GPC5: variants seen among roughly 807,000 people sequenced by gnomAD.
The protein encoded by GPC5 is glypican-5.
In GPC5, 47 loss-of-function variants were observed where a neutral mutation model predicts 53.9. The observed-to-expected ratio is 0.87, with a 90% CI of 0.69 to 1.11. The LOEUF is 1.11. Ranked by LOEUF, GPC5 falls within the 50% of genes most tolerant of loss-of-function variation. GPC5 has a pLI of 0.00. For synonymous variants in GPC5, 286 were observed against 263.3 expected (o/e 1.09, Z -0.84); for missense variants, 748 against 713.1 (o/e 1.05, Z -0.56).
chr13:92,116,309 TG>T (rs2041601464), intron 6 of GPC5, among the ~76,000 whole-genome samples: 2 of 151,690 alleles, frequency 1.3e-5, no homozygotes, highest in African/African-American at 4.8e-5. Flanking sequence ...TGGGGGGGAT[TG>T]GGAACTCATG....
chr13:91,503,280 C>T (rs1884748478), intron 2 of GPC5, among the ~76,000 whole-genome samples: 1 of 151,994 alleles, frequency 6.6e-6, no homozygotes, highest in South Asian at 2.1e-4. Flanking sequence ...TTTCTAGAAA[C>T]AATTTGAACC....
chr13:91,460,003 G>A (rs1314645617), intron 2 of GPC5, among the ~76,000 whole-genome samples: 1 of 152,086 alleles, frequency 6.6e-6, no homozygotes, highest in Non-Finnish European at 1.5e-5. Flanking sequence ...TAATGCGATA[G>A]CATTGTATAA....
intron 2 of GPC5, among the ~76,000 whole-genome samples, chr13:91,565,888 T>C (rs997917080): frequency 1.3e-5 from 2 of 152,198 alleles, no homozygotes; most frequent in African/African-American, 2.4e-5. Context: ...TCCATGTTTC[T>C]CTTCAAGCTC....
At chr13:91,732,998 T>G (rs1252850989) in intron 4 of GPC5, among the ~76,000 whole-genome samples, 2 of 152,188 alleles carry the variant, frequency 1.3e-5, no homozygotes, top group African/African-American at 4.8e-5. Flanking sequence ...TTGTCTTGGC[T>G]ATACGGGCTC....
At chr13:91,724,615 G>A (rs1021277164) in intron 3 of GPC5, among the ~76,000 whole-genome samples, 1 of 152,096 alleles carries the variant, frequency 6.6e-6, no homozygotes, top group African/African-American at 2.4e-5. Context: ...TTGGGAGGCT[G>A]AGGTGGGAGG....
rs554917423 is a variant in GPC5, at chr13:92,077,124, C to T, written c.1402-67706C>T. On this transcript the variant is annotated intron_variant, in intron 6 of 7. Coordinates refer to ENST00000377067, the MANE Select transcript of GPC5 (RefSeq NM_004466.6). ...AATTGCCCCGCCTTTCTGAACCAAACCAATGTATTTCTTAAATGTATTTGA... is the reference window on the plus strand; with the variant it reads ...AATTGCCCCGCCTTTCTGAACCAAATCAATGTATTTCTTAAATGTATTTGA... Among the ~76,000 whole-genome samples, 119 of 152,242 alleles carry T rather than the reference C, an allele frequency of 7.8e-4. 1 individual carries two copies. In the Middle Eastern group the frequency reaches 0.031, roughly 39 times the overall value.
intron 7 of GPC5, among the ~76,000 whole-genome samples, chr13:92,342,743 C>G (rs937516315): frequency 7.9e-5 from 12 of 151,946 alleles, no homozygotes; most frequent in Non-Finnish European, 1.5e-4. Context: ...TAATTCCATC[C>G]TCTGGATTAA....
intron 2 of GPC5, among the ~76,000 whole-genome samples, chr13:91,527,451 G>A (rs1287226526): frequency 6.6e-6 from 1 of 152,238 alleles, no homozygotes; most frequent in Non-Finnish European, 1.5e-5. Flanking sequence ...CCAAGGCCTT[G>A]GGCAGCTCTG....
At chr13:92,109,738 T>G (rs1447934757) in intron 6 of GPC5, among the ~76,000 whole-genome samples, 1 of 152,146 alleles carries the variant, frequency 6.6e-6, no homozygotes, top group East Asian at 1.9e-4. Flanking sequence ...GAAAATTATT[T>G]CTTAAACCTA....
chr13:92,512,298 T>C (rs1880603435), intron 7 of GPC5, among the ~76,000 whole-genome samples: 1 of 152,098 alleles, frequency 6.6e-6, no homozygotes, highest in Non-Finnish European at 1.5e-5. Context: ...TGGTAACACA[T>C]ATTTTTTACT....
chr13:92,585,164 G>C (rs2139058937), intron 7 of GPC5, among the ~76,000 whole-genome samples: 1 of 152,222 alleles, frequency 6.6e-6, no homozygotes, highest in South Asian at 2.1e-4. Flanking sequence ...CAGAATGGTA[G>C]ATCCACTGTC....
chr13:92,098,514 G>C (rs1047834234), intron 6 of GPC5, among the ~76,000 whole-genome samples: 5 of 152,098 alleles, frequency 3.3e-5, no homozygotes, highest in African/African-American at 1.2e-4. Flanking sequence ...TAGAATTAAG[G>C]TATTTCATAT....
At chr13:91,765,761 A>C (rs2037510423) in intron 5 of GPC5, among the ~76,000 whole-genome samples, 1 of 152,242 alleles carries the variant, frequency 6.6e-6, no homozygotes, top group African/African-American at 2.4e-5. Flanking sequence ...TTAATGAAAG[A>C]GGTAATATGT....
At chr13:92,221,839 A>G (rs137896384) in intron 7 of GPC5, among the ~76,000 whole-genome samples, 1 of 151,930 alleles carries the variant, frequency 6.6e-6, no homozygotes, top group African/African-American at 2.4e-5. Flanking sequence ...GTTCTTGCTA[A>G]TAAGATATAT....
chr13:92,805,048 T>G lies in GPC5; in HGVS notation c.1562-61234T>G, dbSNP rs114970404. On this transcript the variant is annotated intron_variant, in intron 7 of 7. Transcript: ENST00000377067. ...CTCTTATTTTGACCACATCTGTGGT[T>G]ACTTTCTCCACTGAAATTCTGAACC... Among the ~76,000 whole-genome samples, 1,035 of 152,204 alleles carry G rather than the reference T, an allele frequency of 6.8e-3. 11 individuals carry two copies. Among genetic ancestry groups the G allele is most frequent in the African/African-American group, 0.024 (990 of 41,560 alleles).
intron 7 of GPC5, among the ~76,000 whole-genome samples, chr13:92,267,136 A>C (rs2042808032): frequency 6.6e-6 from 1 of 152,162 alleles, no homozygotes; most frequent in Non-Finnish European, 1.5e-5. Context: ...AACTTCAAAT[A>C]AAATATTGCC....
intron 7 of GPC5, among the ~76,000 whole-genome samples, chr13:92,440,403 C>T (rs749346511): frequency 9.9e-5 from 15 of 152,116 alleles, no homozygotes; most frequent in Non-Finnish European, 1.9e-4. Flanking sequence ...TGGCCACCAG[C>T]TGCATCTATG....
At chr13:92,817,681 T>C (rs1184096065) in intron 7 of GPC5, among the ~76,000 whole-genome samples, 4 of 151,998 alleles carry the variant, frequency 2.6e-5, no homozygotes, top group South Asian at 2.1e-4. Context: ...ACATATTTAT[T>C]TCTTCTTGGG....
At chr13:92,101,184 A>G (rs2041463933) in intron 6 of GPC5, among the ~76,000 whole-genome samples, 1 of 152,220 alleles carries the variant, frequency 6.6e-6, no homozygotes, top group South Asian at 2.1e-4. Flanking sequence ...GAAATGAAAT[A>G]TCTTACCACA....
Sources: allele counts gnomAD v4.1 joint callset (sites outside exome capture counted in the v4.1 genomes callset), GRCh38; gene constraint gnomAD v4.1.1; transcripts MANE v1.5; gene names NCBI Gene and HGNC (gene_info 2026-07-23, HGNC 2026-07-21).